GPRIN1: variants seen among roughly 807,000 people sequenced by gnomAD.
GPRIN1 encodes the protein G protein-regulated inducer of neurite outgrowth 1.
A neutral mutation model predicts 2.8 loss-of-function variants in GPRIN1; 4 were observed. That is an observed-to-expected ratio of 1.45 (90% CI 0.71 to 3.32). GPRIN1 has a LOEUF of 3.32. Ranked by LOEUF, GPRIN1 falls within the 30% of genes most tolerant of loss-of-function variation. GPRIN1 has a pLI of 0.01. For synonymous variants in GPRIN1, 589 were observed against 589.9 expected, an observed-to-expected ratio of 1.00 and a Z score of 0.02; for missense variants, 1,322 against 1,343.4, an observed-to-expected ratio of 0.98 and a Z score of 0.25.
At chr5:176,600,360 C>A (rs920672043) in intron 1 of GPRIN1, among the ~76,000 whole-genome samples, 5 of 152,078 alleles carry the variant, frequency 3.3e-5, no homozygotes, top group Admixed American at 6.6e-5. Context: ...ACCTCAGCCT[C>A]CCAAAGGCTG....
In GPRIN1 at chr5:176,598,290, C is replaced by A. The variant is rs17854762; in HGVS notation, c.1545G>T (p.Thr515=). The A allele has an allele frequency of 2.5e-6, 4 of 1,613,768 alleles. No homozygotes were observed. The South Asian group carries it at 3.3e-5, about 13-fold the overall frequency. ...AGGACAGGGGATCTCCTTTTCCCCC[C>A]GTCGCTGGCTCAGCCTTTACTGCAG... ...PPSAVKAEPA[T]GGKGDPLSSE... is the part of the protein sequence containing the mutation. Residue 515 remains threonine, a synonymous_variant, in exon 2 of 2, where the codon ACG becomes ACT. Coordinates refer to ENST00000303991, the MANE Select transcript of GPRIN1 (RefSeq NM_052899.3).
chr5:176,608,111 G>A (rs1369585254), intron 1 of GPRIN1, among the ~76,000 whole-genome samples: 1 of 151,610 alleles, frequency 6.6e-6, no homozygotes, highest in Non-Finnish European at 1.5e-5. Flanking sequence ...TAGAGATGGG[G>A]GTCTTGGTAT....
At chr5:176,606,885 C>G (rs1490266534) in intron 1 of GPRIN1, among the ~76,000 whole-genome samples, 1 of 152,216 alleles carries the variant, frequency 6.6e-6, no homozygotes, top group Non-Finnish European at 1.5e-5. Flanking sequence ...GCAAGCTTGG[C>G]TCAGCTGATA....
rs992058598 is a variant in GPRIN1 at position 176,598,892 on chromosome 5, G to C, written c.943C>G (p.Pro315Ala). The change falls in exon 2 of 2, where the codon CCG (proline) becomes GCG (alanine). Residue 315 changes from proline to alanine, a missense_variant. Coordinates refer to ENST00000303991, the MANE Select transcript of GPRIN1 (RefSeq NM_052899.3). Reference sequence around the variant, plus strand: ...GGAATCAGCTTGCCCAGGAGCCCCGGCTCTGTCTTTCCTGTGGACGCAGAA... The same window carrying C: ...GGAATCAGCTTGCCCAGGAGCCCCGCCTCTGTCTTTCCTGTGGACGCAGAA... ...MDSASTGKTE[P>A]GLLGKLIPGS... The C allele has an allele frequency of 6.2e-6, 10 of 1,614,132 alleles. No individual in the cohort carries two copies. In the African/African-American group the frequency reaches 9.3e-5, roughly 15 times the overall value.
chr5:176,596,615 C>T lies in GPRIN1; in HGVS notation c.*193G>A. ...GGCCGGGTTCGTGGCCTCGTGGCCA[C>T]GAGGGAGCTTGGTAGAAGGGGTTCT... On this transcript the variant is annotated 3_prime_UTR_variant, in exon 2 of 2. Transcript: ENST00000303991. The surrounding 1 kb of genome is among the most constrained non-coding windows in gnomAD (Gnocchi z 5.2). The T allele has an allele frequency of 2.7e-6, 1 of 372,140 alleles. No homozygotes were observed. Among genetic ancestry groups the T allele is most frequent in the Non-Finnish European group, 4.3e-6 (1 of 230,412 alleles). 23.1% of individuals were successfully genotyped at this position (372,140 alleles called of 1,614,324 possible). A position where few individuals can be genotyped will look rare whatever the true frequency, so the allele number is the denominator to read the frequency against.
chr5:176,604,448 C>T (rs372144164), intron 1 of GPRIN1, among the ~76,000 whole-genome samples: 2 of 152,078 alleles, frequency 1.3e-5, no homozygotes, highest in African/African-American at 4.8e-5. Context: ...TGCAGTGGCG[C>T]GATCTCGGCT....
chr5:176,608,982 C>T (rs1305427624), intron 1 of GPRIN1, among the ~76,000 whole-genome samples: 2 of 152,290 alleles, frequency 1.3e-5, no homozygotes, highest in South Asian at 2.1e-4. Context: ...GTCTCCTGCT[C>T]GGGGGTGTGG....
At position 176,598,193 on chromosome 5, in the gene GPRIN1, C is replaced by G. The variant is rs375216706; in HGVS notation, c.1642G>C (p.Val548Leu). 6.2e-7 allele frequency: 1 copy of G among 1,612,284 alleles called. No homozygotes were observed. The highest frequency in any genetic ancestry group is 1.3e-5 in the African/African-American group (1 of 74,942). ...TASGKAEPLA[V>L]GKEDPVSKGK... ...TTGCTCACAGGGTCCTCCTTGCCCA[C>G]CGCGAGGGGCTCGGCCTTCCCTGAG... Residue 548 changes from valine to leucine, a missense_variant, in exon 2 of 2, where the codon GTG becomes CTG. By Grantham distance (32) the Val-to-Leu change is conservative. Transcript: ENST00000303991.
chr5:176,598,084 G>A lies in GPRIN1; in HGVS notation c.1751C>T (p.Pro584Leu), dbSNP rs763831948. Residue 584 changes from proline (P) to leucine (L), a missense_variant, in exon 2 of 2, where the codon CCG becomes CTG. By Grantham distance (98) the Pro-to-Leu change is moderately conservative. This residue lies in a region of GPRIN1 where 1,117 missense variants were observed against 1,128.6 expected (regional missense o/e 0.99). Coordinates refer to ENST00000303991, the MANE Select transcript of GPRIN1 (RefSeq NM_052899.3). ...KVVSTPGKTV[P>L]VPSGKVDPVS... ...GGGATCCACCTTCCCCGAGGGCACC[G>A]GGACTGTTTTTCCTGGAGTTGAGAC... The A allele has an allele frequency of 1.4e-5, 22 of 1,613,786 alleles. No homozygotes were observed. Among genetic ancestry groups the A allele is most frequent in the South Asian group, 2.2e-5 (2 of 91,076 alleles).
At position 176,599,096 on chromosome 5, in the gene GPRIN1, C is replaced by T. The variant is rs1438445001; in HGVS notation, c.739G>A (p.Asp247Asn). 1.5e-5 allele frequency: 25 copies of T among 1,613,778 alleles called. No homozygotes were observed. The highest frequency in any genetic ancestry group is 6.7e-5 in the African/African-American group (5 of 74,852). Residue 247 changes from aspartate (D) to asparagine (N), a missense_variant, in exon 2 of 2, where the codon GAC becomes AAC. Asp to Asn is a conservative substitution (Grantham distance 23). This residue lies in a region of GPRIN1 where 1,117 missense variants were observed against 1,128.6 expected (regional missense o/e 0.99). Coordinates refer to ENST00000303991, the MANE Select transcript of GPRIN1 (RefSeq NM_052899.3). ...SLRKVDPVSS[D>N]KVDPVFPRKE... ...CTTGGGAATACAGGGTCCACTTTGTCTGAGGACACAGGATCCACCTTTCTC... is the reference window on the plus strand; with the variant it reads ...CTTGGGAATACAGGGTCCACTTTGTTTGAGGACACAGGATCCACCTTTCTC...
chr5:176,608,643 TGTGG>T (rs1759262015), intron 1 of GPRIN1, among the ~76,000 whole-genome samples: 1 of 152,206 alleles, frequency 6.6e-6, no homozygotes, highest in African/African-American at 2.4e-5. Flanking sequence ...ACTTGGACCC[TGTGG>T]GTATCTCACT....
In GPRIN1 at chr5:176,598,209, C is replaced by T. The variant is rs778739924; in HGVS notation, c.1626G>A (p.Lys542=). The change falls in exon 2 of 2, where the codon AAG becomes AAA. Residue 542 remains lysine, a synonymous_variant. Transcript: ENST00000303991. Reference sequence around the variant, plus strand: ...CCTTGCCCACCGCGAGGGGCTCGGCCTTCCCTGAGGCTGTGGGAGCCGCCT... The same window carrying T: ...CCTTGCCCACCGCGAGGGGCTCGGCTTTCCCTGAGGCTGTGGGAGCCGCCT... The part of the protein sequence containing the change: ...SGKAAPTASG[K]AEPLAVGKED... 1.6e-5 allele frequency: 26 copies of T among 1,612,596 alleles called. No homozygotes were observed. In the East Asian group the frequency reaches 4.0e-4, roughly 25 times the overall value.
Position 176,598,935 on chromosome 5 carries a change from C to T in GPRIN1, c.900G>A (p.Met300Ile), listed in dbSNP as rs200187495. Residue 300 changes from methionine (M) to isoleucine (I), a missense_variant, in exon 2 of 2, where the codon ATG becomes ATA. Transcript: ENST00000303991. ...ACGCAGAATCCATGCTTTCCAAGGG[C>T]ATGGGATCTGCCTTTCCCGAGGGCC... ...DPGPSGKADP[M>I]PLESMDSAST... is the part of the protein sequence containing the mutation. 5.0e-5 allele frequency: 81 copies of T among 1,614,076 alleles called. No homozygotes were observed. In the East Asian group the frequency reaches 1.7e-3, roughly 34 times the overall value.
At chr5:176,601,910 A>G (rs1759153378) in intron 1 of GPRIN1, among the ~76,000 whole-genome samples, 1 of 152,046 alleles carries the variant, frequency 6.6e-6, no homozygotes, top group African/African-American at 2.4e-5. Context: ...TATTCTCAAC[A>G]CAGCAGCCAG....
chr5:176,600,775 G>T (rs953211766), intron 1 of GPRIN1, among the ~76,000 whole-genome samples: 3 of 152,118 alleles, frequency 2.0e-5, no homozygotes, highest in South Asian at 2.1e-4. Context: ...AATTAGCCAG[G>T]TGTGGTGGTG....
Position 176,598,732 on chromosome 5 carries a change from T to C in GPRIN1, c.1103A>G (p.Lys368Arg). ...CTTTCCCAGGAACCGGGAGTCCTCT[T>C]TTGTGGCAGGCACAGTTTCTACATT... ...VGNVETVPAT[K>R]EDSRFLGKMD... The change falls in exon 2 of 2, where the codon AAA (lysine) becomes AGA (arginine). Residue 368 changes from lysine to arginine, a missense_variant. By Grantham distance (26) the Lys-to-Arg change is conservative (BLOSUM62 2). Coordinates refer to ENST00000303991, the MANE Select transcript of GPRIN1 (RefSeq NM_052899.3). The C allele has an allele frequency of 1.2e-6, 2 of 1,613,924 alleles. No individual in the cohort carries two copies. Among genetic ancestry groups the C allele is most frequent in the Non-Finnish European group, 1.7e-6 (2 of 1,180,026 alleles).
chr5:176,600,731 T>A (rs1206421210), intron 1 of GPRIN1, among the ~76,000 whole-genome samples: 1 of 152,048 alleles, frequency 6.6e-6, no homozygotes, highest in East Asian at 2.0e-4. Flanking sequence ...CTGGCCAACA[T>A]GGTGTAACCC....
In GPRIN1 at chr5:176,596,782, A is replaced by C; in HGVS notation, c.*26T>G. Reference sequence around the variant, plus strand: ...AGAAGGGAGCCTGAGAAGGTCGGAAACTCGGGCGTACAAAATGGGGGCAGA... The same window carrying C: ...AGAAGGGAGCCTGAGAAGGTCGGAACCTCGGGCGTACAAAATGGGGGCAGA... On this transcript the variant is annotated 3_prime_UTR_variant, in exon 2 of 2. Transcript: ENST00000303991. The surrounding 1 kb of genome is among the most constrained non-coding windows in gnomAD (Gnocchi z 5.2). 7.1e-7 allele frequency: 1 copy of C among 1,407,398 alleles called. No homozygotes were observed. The highest frequency in any genetic ancestry group is 9.3e-7 in the Non-Finnish European group (1 of 1,080,920). The allele number at this position is 1,407,398 out of a possible 1,614,324, so 87.2% of individuals were successfully genotyped here.
chr5:176,599,931 A>G, intron 1 of GPRIN1, 54 bp from the exon 2 acceptor site: 3 of 1,150,484 alleles, frequency 2.6e-6, no homozygotes, highest in Non-Finnish European at 3.4e-6. Flanking sequence ...GGGGGAGGAG[A>G]CTCTGCCTTC....
Sources: allele counts gnomAD v4.1 joint callset (sites outside exome capture counted in the v4.1 genomes callset), GRCh38; gene constraint gnomAD v4.1.1; regional missense constraint gnomAD v4.1.1; non-coding constraint Gnocchi (gnomAD v3.1); transcripts MANE v1.5; gene names NCBI Gene and HGNC (gene_info 2026-07-23, HGNC 2026-07-21).